The following PIAS4 variants were observed in gnomAD, a reference collection of about 807,000 sequenced individuals.
The protein encoded by PIAS4 is protein inhibitor of activated STAT 4, also known as E3 SUMO-protein ligase PIAS4.
A neutral mutation model predicts 58.0 loss-of-function variants in PIAS4; 7 were observed. The observed-to-expected ratio is 0.12, with a 90% CI of 0.07 to 0.23. PIAS4 has a LOEUF of 0.23. Among genes scored for constraint, PIAS4 ranks in the 10% least tolerant of loss-of-function variants. The probability of loss-of-function intolerance (pLI) is 1.00; values close to 1 mark genes in which losing one functional copy is unlikely to be tolerated. For missense variants in PIAS4, 550 were observed against 709.5 expected (o/e 0.78, Z 2.55); for synonymous variants, 364 against 312.4 (o/e 1.17, Z -1.74).
intron 7 of PIAS4, among the ~76,000 whole-genome samples, chr19:4,032,573 G>A (rs934138926): frequency 3.3e-5 from 5 of 152,202 alleles, no homozygotes; most frequent in African/African-American, 9.7e-5. Flanking sequence ...GCTTGCTGGC[G>A]GGCACCGTCT....
intron 9 of PIAS4, among the ~76,000 whole-genome samples, chr19:4,035,189 C>T (rs1455476605): frequency 2.6e-5 from 4 of 152,122 alleles, no homozygotes; most frequent in Non-Finnish European, 5.9e-5. Flanking sequence ...GGGTGAGAGC[C>T]TCAGAAAGGG....
Position 4,013,445 on chromosome 19 carries a change from C to A in PIAS4, c.454+96C>A. The stretch of plus-strand genomic sequence containing the variant: ...CACACAGCCGACTTCGAGTGATGTT[C>A]TCTGTGGCGCAGCCAGGGCGGGGAG... On this transcript the variant is annotated intron_variant, in intron 2 of 10. Coordinates refer to ENST00000262971, the MANE Select transcript of PIAS4 (RefSeq NM_015897.4). This position sits in a 1 kb window ranked among gnomAD's most constrained non-coding sequence, Gnocchi z 5.1. The A allele has an allele frequency of 1.8e-6, 2 of 1,131,436 alleles. No homozygotes were observed. The highest frequency in any genetic ancestry group is 2.5e-6 in the Non-Finnish European group (2 of 790,506). 70.1% of individuals were successfully genotyped at this position (1,131,436 alleles called of 1,614,324 possible). A position where few individuals can be genotyped will look rare whatever the true frequency, so the allele number is the denominator to read the frequency against.
chr19:4,022,910 G>T (rs2040124448), intron 2 of PIAS4, among the ~76,000 whole-genome samples: 1 of 151,184 alleles, frequency 6.6e-6, no homozygotes, highest in Admixed American at 6.6e-5. Context: ...CGTAGCTCAT[G>T]CCTGTAATTC....
At chr19:4,029,117 C>G in intron 7 of PIAS4, 81 bp downstream of exon 7, 1 of 1,015,378 alleles carries the variant, frequency 9.8e-7, no homozygotes, top group East Asian at 2.6e-5. Context: ...AGCGGGGGGC[C>G]CTGCACCCGG....
intron 2 of PIAS4, chr19:4,017,878 T>C (rs568858106): frequency 3.5e-4 from 54 of 152,410 alleles, no homozygotes; most frequent in Admixed American, 2.0e-3. Context: ...TTTCACCATC[T>C]TGACCAGGCT....
rs946851450 is a variant in PIAS4 at position 4,036,871 on chromosome 19, A to G, written c.1143-503A>G. ...CCACACCCGCATGCCACACATCCAT[A>G]CAGTCCACATTCACGTATGCCCATA... On this transcript the variant is annotated intron_variant, in intron 9 of 10. Transcript: ENST00000262971. 3.3e-5 allele frequency among the ~76,000 whole-genome samples: 5 copies of G among 150,228 alleles called. No individual in the cohort carries two copies. In the Admixed American group the frequency reaches 3.4e-4, roughly 10 times the overall value.
chr19:4,009,128 G>A (rs1198383717), intron 1 of PIAS4, among the ~76,000 whole-genome samples: 1 of 151,986 alleles, frequency 6.6e-6, no homozygotes, highest in African/African-American at 2.4e-5. Context: ...GGGAGGTTAG[G>A]GGACCTCTCC....
chr19:4,013,294 G>C lies in PIAS4; in HGVS notation c.399G>C (p.Leu133=), dbSNP rs1398878417. The C allele has an allele frequency of 3.1e-6, 5 of 1,613,120 alleles. No individual in the cohort carries two copies. In the East Asian group the frequency reaches 1.1e-4, roughly 36 times the overall value. ...AGACCCTCAAGCCAGAAGTCCGCCTGGTGAAGCTGCCGTTCTTTAATATGC... is the reference window on the plus strand; with the variant it reads ...AGACCCTCAAGCCAGAAGTCCGCCTCGTGAAGCTGCCGTTCTTTAATATGC... ...PAKTLKPEVR[L]VKLPFFNMLD... Residue 133 remains leucine (L), a synonymous_variant, in exon 2 of 11, where the codon CTG becomes CTC. Coordinates refer to ENST00000262971, the MANE Select transcript of PIAS4 (RefSeq NM_015897.4). This position sits in a 1 kb window ranked among gnomAD's most constrained non-coding sequence, Gnocchi z 5.1.
At chr19:4,028,668 C>A in intron 5 of PIAS4, 52 bp from the exon 6 acceptor site, 1 of 1,603,728 alleles carries the variant, frequency 6.2e-7, no homozygotes, top group Admixed American at 1.7e-5. Flanking sequence ...TGGGGGCCGT[C>A]GGATTTCCCA....
intron 3 of PIAS4, 28 bp from the exon 4 acceptor site, chr19:4,028,118 T>C (rs746867423): frequency 5.0e-6 from 8 of 1,613,124 alleles, no homozygotes; most frequent in Non-Finnish European, 5.1e-6. Context: ...TCTCCTTTCC[T>C]TTCCTCTGGT....
At chr19:4,036,808 C>T (rs2040299846) in intron 9 of PIAS4, among the ~76,000 whole-genome samples, 1 of 149,150 alleles carries the variant, frequency 6.7e-6, no homozygotes, top group African/African-American at 2.4e-5. Context: ...TCCACACCGT[C>T]ACATATCTGT....
At chr19:4,034,598 G>A (rs1458303569) in intron 9 of PIAS4, among the ~76,000 whole-genome samples, 1 of 152,220 alleles carries the variant, frequency 6.6e-6, no homozygotes, top group African/African-American at 2.4e-5. Context: ...GGAGTCCTTT[G>A]GGCCGGGCAC....
At chr19:4,027,337 A>C (rs1432196433) in intron 3 of PIAS4, among the ~76,000 whole-genome samples, 1 of 152,050 alleles carries the variant, frequency 6.6e-6, no homozygotes, top group Admixed American at 6.6e-5. Flanking sequence ...CTCACGGTGC[A>C]CCTGTGCTGA....
chr19:4,028,405 G>C, intron 4 of PIAS4, 105 bp from the exon 5 acceptor site: 1 of 888,676 alleles, frequency 1.1e-6, no homozygotes, highest in Non-Finnish European at 1.8e-6. Flanking sequence ...CACATTCTCC[G>C]GTGCCCCCAT....
rs1298593674 is a variant in PIAS4, at chr19:4,007,946, A to AGGGCGGG, written c.27+168_27+174dup. Reference sequence around the variant, plus strand: ...GACCCCGACCCCCGGTCTCAGGGTGAGGGCGGGGGGCGGGGAGGCCGGGGG... The same window carrying AGGGCGGG: ...GACCCCGACCCCCGGTCTCAGGGTGAGGGCGGGGGGCGGGGGGCGGGGAGGCCGGGGG... On this transcript the variant is annotated intron_variant, in intron 1 of 10. Transcript: ENST00000262971. Among the ~76,000 whole-genome samples the AGGGCGGG allele has an allele frequency of 7.4e-5, 11 of 149,406 alleles. No homozygotes were observed. In the East Asian group the frequency reaches 2.1e-3, roughly 28 times the overall value.
At chr19:4,023,776 A>G (rs781229703) in intron 2 of PIAS4, among the ~76,000 whole-genome samples, 1 of 152,166 alleles carries the variant, frequency 6.6e-6, no homozygotes, top group African/African-American at 2.4e-5. Context: ...CCTGCATCCC[A>G]CAGGCTGCGA....
chr19:4,022,566 C>T (rs548136866), intron 2 of PIAS4, among the ~76,000 whole-genome samples: 1 of 151,822 alleles, frequency 6.6e-6, no homozygotes, highest in African/African-American at 2.4e-5. Context: ...TGGGGTTTCA[C>T]CGTGTTAGCC....
chr19:4,033,042 A>C, intron 7 of PIAS4, 58 bp from the exon 8 acceptor site: 1 of 1,385,648 alleles, frequency 7.2e-7, no homozygotes, highest in Non-Finnish European at 1.0e-6. Flanking sequence ...CTCGAATCAC[A>C]GCCCCGCGCC....
rs181830018 is a variant in PIAS4, at chr19:4,028,862, C to T, written c.801+14C>T. 7,568 of 1,613,170 alleles carry T rather than the reference C, an allele frequency of 4.7e-3. 392 individuals are homozygous for T. In the Admixed American group the frequency reaches 0.1, roughly 22 times the overall value. Reference sequence around the variant, plus strand: ...AACTACGGCAAGGTGAGTGCGTGCCCGGGTGCCCACCCTGCCCCCCAACCC... The same window carrying T: ...AACTACGGCAAGGTGAGTGCGTGCCTGGGTGCCCACCCTGCCCCCCAACCC... On this transcript the variant is annotated intron_variant, in intron 6 of 10. Coordinates refer to ENST00000262971, the MANE Select transcript of PIAS4 (RefSeq NM_015897.4).
Sources: gnomAD v4.1 joint callset for allele counts (sites outside exome capture counted in the v4.1 genomes callset) on GRCh38, gnomAD v4.1.1 for gene constraint, Gnocchi (gnomAD v3.1) non-coding constraint, MANE v1.5 for transcripts, NCBI Gene and HGNC (gene_info 2026-07-23, HGNC 2026-07-21) for gene names.